RNGTT: variants seen among roughly 807,000 people sequenced by gnomAD.
The protein encoded by RNGTT is RNA guanylyltransferase and 5'-phosphatase, also known as mRNA-capping enzyme.
In RNGTT, 33 loss-of-function variants were observed where a neutral mutation model predicts 79.3. That is an observed-to-expected ratio of 0.42 (90% CI 0.32 to 0.56). RNGTT has a LOEUF of 0.56. Among genes scored for constraint, RNGTT ranks in the 20% least tolerant of loss-of-function variants. The pLI, the probability that RNGTT is intolerant of heterozygous loss-of-function variation, is 0.17. For synonymous variants in RNGTT, 222 were observed against 235.9 expected (o/e 0.94, Z 0.54); for missense variants, 497 against 739.1 (o/e 0.67, Z 3.80).
chr6:88,959,902 T>C (rs548667139), intron 1 of RNGTT, among the ~76,000 whole-genome samples: 187 of 152,366 alleles, frequency 1.2e-3, no homozygotes, highest in African/African-American at 4.3e-3. Flanking sequence ...TTTTTCAGTC[T>C]ATTATCTCTC....
intron 13 of RNGTT, among the ~76,000 whole-genome samples, chr6:88,699,293 A>G (rs894719812): frequency 1.3e-5 from 2 of 152,214 alleles, no homozygotes; most frequent in Admixed American, 1.3e-4. Context: ...CAATTTCATA[A>G]AAGATTTTTA....
Position 88,745,203 on chromosome 6 carries a change from G to A in RNGTT, c.1439+24571C>T, listed in dbSNP as rs1010574129. ...CTCCGCATATACCACCTTTAACAGTGATGAAGGTTAACATTACCAGTAATG... is the reference window on the plus strand; with the variant it reads ...CTCCGCATATACCACCTTTAACAGTAATGAAGGTTAACATTACCAGTAATG... On this transcript the variant is annotated intron_variant, in intron 13 of 15. Transcript: ENST00000369485. Among the ~76,000 whole-genome samples, 4 of 152,322 alleles carry A rather than the reference G, an allele frequency of 2.6e-5. No homozygotes were observed. In the Middle Eastern group the frequency reaches 0.01, roughly 391 times the overall value.
chr6:88,794,331 T>A (rs776706160), intron 12 of RNGTT, among the ~76,000 whole-genome samples: 2 of 152,268 alleles, frequency 1.3e-5, no homozygotes, highest in South Asian at 2.1e-4. Flanking sequence ...GGAAAAAAGA[T>A]AACAGCATAA....
chr6:88,834,000 G>A (rs548022652), intron 11 of RNGTT, among the ~76,000 whole-genome samples: 179 of 152,218 alleles, frequency 1.2e-3, no homozygotes, highest in African/African-American at 4.2e-3. Flanking sequence ...TGGCCTAGGC[G>A]ACAGAGCGAG....
chr6:88,912,876 T>C (rs936229056), intron 4 of RNGTT, among the ~76,000 whole-genome samples: 1 of 152,084 alleles, frequency 6.6e-6, no homozygotes, highest in Non-Finnish European at 1.5e-5. Flanking sequence ...TAATGAACTC[T>C]GAAATTGAAC....
chr6:88,932,037 G>C (rs952436963), intron 2 of RNGTT, among the ~76,000 whole-genome samples: 2 of 152,136 alleles, frequency 1.3e-5, no homozygotes, highest in African/African-American at 4.8e-5. Context: ...AGGCAGGACA[G>C]AGCCATATTT....
chr6:88,832,059 T>A (rs1780889261), intron 11 of RNGTT, among the ~76,000 whole-genome samples: 1 of 152,142 alleles, frequency 6.6e-6, no homozygotes. Context: ...AAACTACCAT[T>A]GACTTTCTTC....
At chr6:88,740,620 A>T (rs945290959) in intron 13 of RNGTT, among the ~76,000 whole-genome samples, 1 of 152,154 alleles carries the variant, frequency 6.6e-6, no homozygotes, top group Non-Finnish European at 1.5e-5. Context: ...AGGGACATGG[A>T]TGAAGCTGGA....
chr6:88,796,770 T>C (rs1284541686), intron 12 of RNGTT, among the ~76,000 whole-genome samples: 2 of 152,164 alleles, frequency 1.3e-5, no homozygotes, highest in African/African-American at 4.8e-5. Flanking sequence ...GCCAGTGTCT[T>C]AGGAAGCTTA....
intron 13 of RNGTT, among the ~76,000 whole-genome samples, chr6:88,704,259 CAAAAAAA>C (rs35623392): frequency 0.017 from 812 of 48,664 alleles, 4 homozygotes; most frequent in African/African-American, 0.048. Flanking sequence ...GACTCTGTCT[CAAAAAAA>C]AAAAAAAAAA....
At chr6:88,778,127 C>T (rs757305531) in intron 12 of RNGTT, among the ~76,000 whole-genome samples, 1 of 151,716 alleles carries the variant, frequency 6.6e-6, no homozygotes, top group Non-Finnish European at 1.5e-5. Context: ...ACCTTGTAAC[C>T]CAGGGATAAA....
chr6:88,755,190 G>T (rs900809580), intron 13 of RNGTT, among the ~76,000 whole-genome samples: 1 of 151,952 alleles, frequency 6.6e-6, no homozygotes, highest in Admixed American at 6.6e-5. Context: ...TAGCAGTTAG[G>T]CAAAAAATTC....
intron 14 of RNGTT, among the ~76,000 whole-genome samples, chr6:88,650,596 C>T (rs907111026): frequency 6.6e-5 from 10 of 151,892 alleles, no homozygotes; most frequent in African/African-American, 2.4e-4. Context: ...ATGGCAAAAC[C>T]TACTTGAAAA....
At chr6:88,955,427 G>A (rs1256305583) in intron 1 of RNGTT, among the ~76,000 whole-genome samples, 1 of 151,566 alleles carries the variant, frequency 6.6e-6, no homozygotes, top group Admixed American at 6.6e-5. Context: ...GCGGGCGCCT[G>A]TAATCCTAGC....
chr6:88,873,730 G>C (rs1032260535), intron 8 of RNGTT, among the ~76,000 whole-genome samples: 3 of 151,680 alleles, frequency 2.0e-5, no homozygotes, highest in East Asian at 1.9e-4. Flanking sequence ...TTTTATAATG[G>C]GGAAACACAT....
chr6:88,900,355 A>C (rs1783407455), intron 6 of RNGTT, among the ~76,000 whole-genome samples: 1 of 152,246 alleles, frequency 6.6e-6, no homozygotes, highest in Non-Finnish European at 1.5e-5. Context: ...GAGTGAAAGT[A>C]AAATAATTAA....
chr6:88,933,948 C>T (rs1002946353), intron 2 of RNGTT, among the ~76,000 whole-genome samples: 2 of 152,154 alleles, frequency 1.3e-5, no homozygotes, highest in Non-Finnish European at 2.9e-5. Context: ...TACTAATTTA[C>T]GTTCCAACCA....
In RNGTT at chr6:88,658,104, C is replaced by A. The variant is rs558105679; in HGVS notation, c.1506+20249G>T. On this transcript the variant is annotated intron_variant, in intron 14 of 15. Coordinates refer to ENST00000369485, the MANE Select transcript of RNGTT (RefSeq NM_003800.5). ...TTCCCCTCCTACTACCACAGCTGGT[C>A]TCTTGAAAGCGCCACCTCCTGTCTG... 5.9e-5 allele frequency among the ~76,000 whole-genome samples: 9 copies of A among 152,326 alleles called. No homozygotes were observed. The South Asian group carries it at 1.9e-3, about 32-fold the overall frequency.
chr6:88,913,223 A>AC (rs936270238), intron 4 of RNGTT, among the ~76,000 whole-genome samples: 3 of 145,602 alleles, frequency 2.1e-5, no homozygotes, highest in Admixed American at 6.8e-5. Context: ...ACAAAAAAAA[A>AC]AAACAAAAAA....
Sources: gnomAD v4.1 joint callset for allele counts (sites outside exome capture counted in the v4.1 genomes callset) on GRCh38, gnomAD v4.1.1 for gene constraint, MANE v1.5 for transcripts, NCBI Gene and HGNC (gene_info 2026-07-23, HGNC 2026-07-21) for gene names.